STK10: variants seen among roughly 807,000 people sequenced by gnomAD.
The protein encoded by STK10 is serine/threonine kinase 10, also known as serine/threonine-protein kinase 10.
A neutral mutation model predicts 113.8 loss-of-function variants in STK10; 78 were observed. That is an observed-to-expected ratio of 0.69 (90% confidence interval 0.57 to 0.83). STK10 has a LOEUF of 0.83. Ranked by LOEUF, STK10 falls within the 40% of genes least tolerant of loss-of-function variation. The pLI is 0.00. For missense variants in STK10, 1,109 were observed against 1,280.1 expected (o/e 0.87, Z 2.04); for synonymous variants, 465 against 494.7 (o/e 0.94, Z 0.80).
Position 172,064,832 on chromosome 5 carries a change from G to C in STK10, c.1990-20C>G. The C allele has an allele frequency of 1.2e-6, 2 of 1,613,506 alleles. No individual in the cohort carries two copies. The highest frequency in any genetic ancestry group is 1.1e-5 in the South Asian group (1 of 91,080). ...CTTCACCTGCAGCAGAGACAGCAGAGAGTAGCTGGGTCAGGGTCCTCTCCA... is the reference window on the plus strand; with the variant it reads ...CTTCACCTGCAGCAGAGACAGCAGACAGTAGCTGGGTCAGGGTCCTCTCCA... On this transcript the variant is annotated intron_variant, in intron 12 of 18. Coordinates refer to ENST00000176763, the MANE Select transcript of STK10 (RefSeq NM_005990.4).
intron 12 of STK10, among the ~76,000 whole-genome samples, chr5:172,066,615 C>T (rs758734279): frequency 3.3e-5 from 5 of 152,290 alleles, no homozygotes; most frequent in Middle Eastern, 3.4e-3. Flanking sequence ...TGGTGAAACC[C>T]TGTCTCTACT....
At chr5:172,145,344 C>A (rs745812972) in intron 2 of STK10, among the ~76,000 whole-genome samples, 1 of 152,106 alleles carries the variant, frequency 6.6e-6, no homozygotes, top group Non-Finnish European at 1.5e-5. Context: ...GGGAAAAGCA[C>A]ACCAGCTGTT....
chr5:172,095,807 C>T (rs975989500), intron 8 of STK10, among the ~76,000 whole-genome samples: 1 of 152,228 alleles, frequency 6.6e-6, no homozygotes, highest in Non-Finnish European at 1.5e-5. Context: ...GATGGCCACC[C>T]TATCCCTGGG....
intron 4 of STK10, among the ~76,000 whole-genome samples, chr5:172,111,935 GAA>G (rs1243513990): frequency 6.6e-6 from 1 of 152,166 alleles, no homozygotes; most frequent in African/African-American, 2.4e-5. Flanking sequence ...TCTATTTGTA[GAA>G]ATCCATCTCT....
At chr5:172,060,970 G>A (rs773863965) in intron 14 of STK10, among the ~76,000 whole-genome samples, 169 bp downstream of exon 14, 1 of 152,120 alleles carries the variant, frequency 6.6e-6, no homozygotes, top group Admixed American at 6.5e-5. Flanking sequence ...TCCTTACCTC[G>A]TTCCTTACTT....
chr5:172,104,088 G>GAAGCTGGGAA (rs1227320714), intron 7 of STK10, among the ~76,000 whole-genome samples: 2 of 152,274 alleles, frequency 1.3e-5, no homozygotes, highest in Admixed American at 6.5e-5. Flanking sequence ...CACACAGTAG[G>GAAGCTGGGAA]AAGCTGGGAA....
chr5:172,138,905 T>C (rs1221201221), intron 2 of STK10, among the ~76,000 whole-genome samples: 3 of 152,076 alleles, frequency 2.0e-5, no homozygotes, highest in Non-Finnish European at 4.4e-5. Context: ...TCCCAGCTAC[T>C]CGGGAGGCTG....
At chr5:172,159,996 C>T (rs895436306) in intron 1 of STK10, among the ~76,000 whole-genome samples, 2 of 151,308 alleles carry the variant, frequency 1.3e-5, no homozygotes, top group African/African-American at 4.9e-5. Context: ...ATTAGCTGGG[C>T]GTGGTGGCAG....
At chr5:172,047,265 C>G (rs936885947) in intron 18 of STK10, among the ~76,000 whole-genome samples, 1 of 152,214 alleles carries the variant, frequency 6.6e-6, no homozygotes, top group African/African-American at 2.4e-5. Context: ...AAGTCCAATG[C>G]TGGCTTCCCA....
chr5:172,066,128 C>T (rs547056930), intron 12 of STK10, among the ~76,000 whole-genome samples: 1 of 152,176 alleles, frequency 6.6e-6, no homozygotes, highest in East Asian at 1.9e-4. Context: ...CGCCTGTGAT[C>T]AAAAAGAGAG....
At chr5:172,103,568 G>C (rs1006763796) in intron 7 of STK10, among the ~76,000 whole-genome samples, 1 of 152,074 alleles carries the variant, frequency 6.6e-6, no homozygotes, top group African/African-American at 2.4e-5. Flanking sequence ...GACAGTGACA[G>C]CAGCCCCACT....
At position 172,075,416 on chromosome 5, in the gene STK10, C is replaced by T. The variant is rs12518243; in HGVS notation, c.1989+6910G>A. 5.0e-4 allele frequency among the ~76,000 whole-genome samples: 76 copies of T among 152,252 alleles called. 1 individual carries two copies. In the South Asian group the frequency reaches 8.5e-3, roughly 17 times the overall value. On this transcript the variant is annotated intron_variant, in intron 12 of 18. Coordinates refer to ENST00000176763, the MANE Select transcript of STK10 (RefSeq NM_005990.4). ...TGGGTGCCAGGCGCGGTGGCTCATG[C>T]CTGTAATCCCAGCACTTTGGGAGGC...
chr5:172,095,560 C>T (rs1388739105), intron 8 of STK10, among the ~76,000 whole-genome samples: 2 of 152,226 alleles, frequency 1.3e-5, no homozygotes, highest in Non-Finnish European at 2.9e-5. Flanking sequence ...GTAGAGGGCC[C>T]GGCAGCCACC....
chr5:172,133,952 A>G lies in STK10; in HGVS notation c.322-6531T>C, dbSNP rs1769805136. On this transcript the variant is annotated intron_variant, in intron 2 of 18. Coordinates refer to ENST00000176763, the MANE Select transcript of STK10 (RefSeq NM_005990.4). This position sits in a 1 kb window ranked among gnomAD's most constrained non-coding sequence, Gnocchi z 4.9. ...TTGAACGTTCAGCAGAGTGCTTGTT[A>G]AAACAGATCACTGGGTCCCACTCCA... 6.6e-6 allele frequency among the ~76,000 whole-genome samples: 1 copy of G among 152,184 alleles called. No individual in the cohort carries two copies. The highest frequency in any genetic ancestry group is 2.1e-4 in the South Asian group (1 of 4,826).
intron 2 of STK10, among the ~76,000 whole-genome samples, chr5:172,151,115 A>G (rs1413323257): frequency 5.9e-5 from 9 of 152,218 alleles, no homozygotes; most frequent in Admixed American, 5.9e-4. Context: ...ATACTTACCG[A>G]AGTTTCTGTG....
intron 1 of STK10, among the ~76,000 whole-genome samples, chr5:172,163,470 G>C (rs1427228027): frequency 6.6e-6 from 1 of 152,168 alleles, no homozygotes; most frequent in Non-Finnish European, 1.5e-5. Flanking sequence ...GGAGTGCCTG[G>C]CAGCTGAGGA....
intron 7 of STK10, among the ~76,000 whole-genome samples, chr5:172,099,739 C>G (rs926581819): frequency 1.3e-5 from 2 of 152,214 alleles, no homozygotes; most frequent in Admixed American, 6.5e-5. Context: ...CACAAGTGAA[C>G]TTGAGCGAAA....
Position 172,093,658 on chromosome 5 carries a change from G to A in STK10, c.1308C>T (p.Asp436=). The A allele has an allele frequency of 1.2e-6, 2 of 1,614,234 alleles. No homozygotes were observed. Among genetic ancestry groups the A allele is most frequent in the Non-Finnish European group, 1.7e-6 (2 of 1,180,052 alleles). ...QEKQVAEQGG[D]LSPAANRSQK... The stretch of plus-strand genomic sequence containing the variant: ...GAGATCTGTTGGCTGCTGGGCTGAG[G>A]TCCCCACCCTGCTCAGCAACTTGCT... The change falls in exon 9 of 19, where the codon GAC becomes GAT. Residue 436 remains aspartate, a synonymous_variant. Transcript: ENST00000176763. The surrounding 1 kb of genome is among the most constrained non-coding windows in gnomAD (Gnocchi z 4.1).
chr5:172,155,188 A>G (rs1770322684), intron 2 of STK10, among the ~76,000 whole-genome samples: 1 of 152,114 alleles, frequency 6.6e-6, no homozygotes, highest in African/African-American at 2.4e-5. Flanking sequence ...CAGTTTGGCA[A>G]TAGACATTAA....
Sources: allele counts gnomAD v4.1 joint callset (sites outside exome capture counted in the v4.1 genomes callset), GRCh38; gene constraint gnomAD v4.1.1; non-coding constraint Gnocchi (gnomAD v3.1); transcripts MANE v1.5; gene names NCBI Gene and HGNC (gene_info 2026-07-23, HGNC 2026-07-21).